Variants in GIMAP4 observed in about 807,000 individuals in gnomAD.
GIMAP4 encodes GTPase, IMAP family member 4.
GIMAP4 carries 12 observed loss-of-function variants against 10.8 expected under a neutral mutation model. The observed-to-expected ratio is 1.11, with a 90% CI of 0.71 to 1.81. GIMAP4 has a LOEUF of 1.81. GIMAP4 is among the 40% of genes most tolerant of loss of function. GIMAP4 has a pLI of 0.00. For missense variants in GIMAP4, 412 were observed against 404.6 expected (o/e 1.02, Z -0.16); for synonymous variants, 149 against 147.2 (o/e 1.01, Z -0.09).
In GIMAP4 at chr7:150,573,071, A is replaced by G; in HGVS notation, c.*11A>G. On this transcript the variant is annotated 3_prime_UTR_variant, in exon 3 of 3. Coordinates refer to ENST00000255945, the MANE Select transcript of GIMAP4 (RefSeq NM_018326.3). ...TTCGCGGAAGATTAAACTTAATGAA[A>G]ATCTGTTTGTATTTTCTGCATATTC... The G allele has an allele frequency of 6.5e-7, 1 of 1,538,658 alleles. No individual in the cohort carries two copies. The highest frequency in any genetic ancestry group is 8.9e-7 in the Non-Finnish European group (1 of 1,121,552).
chr7:150,571,444 C>T (rs1329143541), intron 2 of GIMAP4, among the ~76,000 whole-genome samples: 1 of 152,082 alleles, frequency 6.6e-6, no homozygotes, highest in East Asian at 1.9e-4. Context: ...TACAGATATG[C>T]TAAAGTCAAA....
Position 150,572,949 on chromosome 7 carries a change from G to C in GIMAP4, c.879G>C (p.Arg293Ser), listed in dbSNP as rs1795754165. The change falls in exon 3 of 3, where the codon AGG becomes AGC. Residue 293 changes from arginine (R) to serine (S), a missense_variant. Physicochemically the swap from Arg to Ser is moderately radical, Grantham distance 110 (BLOSUM62 -1). Coordinates refer to ENST00000255945, the MANE Select transcript of GIMAP4 (RefSeq NM_018326.3). ...AACAGGAGGCTCACTATGCTGTAAG[G>C]CAGCAAAGGGCAAGAACGGAAGTGG... ...LAEQEAHYAVRQQRARTEVES... is the reference protein window; with the variant it reads ...LAEQEAHYAVSQQRARTEVES... 1 of 1,613,360 alleles carries C rather than the reference G, an allele frequency of 6.2e-7. No homozygotes were observed. The highest frequency in any genetic ancestry group is 8.5e-7 in the Non-Finnish European group (1 of 1,179,270).
chr7:150,572,359 G>A lies in GIMAP4; in HGVS notation c.289G>A (p.Ala97Thr), dbSNP rs1443456879. 6.2e-7 allele frequency: 1 copy of A among 1,613,960 alleles called. No homozygotes were observed. The highest frequency in any genetic ancestry group is 1.3e-5 in the African/African-American group (1 of 74,904). ...PGIFDTEVPN[A>T]ETSKEIIRCI... ...CATTTTCGACACAGAGGTGCCCAAT[G>A]CTGAAACGTCCAAGGAGATTATTCG... The change falls in exon 3 of 3, where the codon GCT becomes ACT. Residue 97 changes from alanine (A) to threonine (T), a missense_variant. Coordinates refer to ENST00000255945, the MANE Select transcript of GIMAP4 (RefSeq NM_018326.3).
intron 2 of GIMAP4, 186 bp downstream of exon 2, chr7:150,570,145 C>T (rs1241876436): frequency 3.3e-6 from 2 of 612,100 alleles, no homozygotes; most frequent in Non-Finnish European, 5.8e-6. Flanking sequence ...TTTCATCTTT[C>T]TTGACCCTCT....
chr7:150,572,594 T>C lies in GIMAP4; in HGVS notation c.524T>C (p.Ile175Thr), dbSNP rs917802575. 1.9e-6 allele frequency: 3 copies of C among 1,614,044 alleles called. No individual in the cohort carries two copies. The African/African-American group carries it at 4.0e-5, about 22-fold the overall frequency. ...HDYLREAPED[I>T]QDLMDIFGDR... ...TACTTAAGGGAAGCTCCAGAAGACA[T>C]TCAAGACTTGATGGACATTTTCGGT... Residue 175 changes from isoleucine to threonine, a missense_variant, in exon 3 of 3, where the codon ATT becomes ACT. By Grantham distance (89) the Ile-to-Thr change is moderately conservative. Transcript: ENST00000255945.
intron 2 of GIMAP4, among the ~76,000 whole-genome samples, chr7:150,570,273 C>A (rs1795714048): frequency 1.3e-5 from 2 of 152,090 alleles, no homozygotes; most frequent in Non-Finnish European, 2.9e-5. Context: ...ATGGACACAC[C>A]AGAACAGCTG....
intron 2 of GIMAP4, among the ~76,000 whole-genome samples, chr7:150,571,087 C>A (rs564199770): frequency 6.6e-6 from 1 of 152,248 alleles, no homozygotes; most frequent in East Asian, 1.9e-4. Context: ...TTGGAGCTGG[C>A]CTTTGGTGCT....
At position 150,573,500 on chromosome 7, in the gene GIMAP4, T is replaced by A. The variant is rs1271308701; in HGVS notation, c.*440T>A. ...TTGAGAAAGAAAGATCAATTCTTTG[T>A]TTGCAGTAGGTAATCTTAGAGATGG... On this transcript the variant is annotated 3_prime_UTR_variant, in exon 3 of 3. Coordinates refer to ENST00000255945, the MANE Select transcript of GIMAP4 (RefSeq NM_018326.3). 6.4e-6 allele frequency: 1 copy of A among 155,188 alleles called. No individual in the cohort carries two copies. Among genetic ancestry groups the A allele is most frequent in the African/African-American group, 2.4e-5 (1 of 41,468 alleles). 9.6% of individuals were successfully genotyped at this position (155,188 alleles called of 1,614,324 possible). A position where few individuals can be genotyped will look rare whatever the true frequency, so the allele number is the denominator to read the frequency against.
In GIMAP4 at chr7:150,572,968, G is replaced by C. The variant is rs1268644073; in HGVS notation, c.898G>C (p.Glu300Gln). ...YAVRQQRART[E>Q]VESKDGILEL... ...TGTAAGGCAGCAAAGGGCAAGAACG[G>C]AAGTGGAGAGTAAGGATGGGATACT... Residue 300 changes from glutamate to glutamine, a missense_variant, in exon 3 of 3, where the codon GAA (glutamate) becomes CAA (glutamine). Coordinates refer to ENST00000255945, the MANE Select transcript of GIMAP4 (RefSeq NM_018326.3). 1 of 1,613,720 alleles carries C rather than the reference G, an allele frequency of 6.2e-7. No homozygotes were observed.
Position 150,569,948 on chromosome 7 carries a change from G to A in GIMAP4, c.47G>A (p.Gly16Glu), listed in dbSNP as rs1171792373. Residue 16 changes from glycine (G) to glutamate (E), a missense_variant, in exon 2 of 3, where the codon GGG (glycine) becomes GAG (glutamate). Coordinates refer to ENST00000255945, the MANE Select transcript of GIMAP4 (RefSeq NM_018326.3). Reference protein sequence around the residue: ...GSMSFNPSTPGASYGPGRQEP... With the variant: ...GSMSFNPSTPEASYGPGRQEP... ...ATGAGCTTCAACCCCAGCACACCAG[G>A]GGCCAGTTATGGTGAGAGGGCATTC... is the stretch of plus-strand genomic sequence containing the variant. The A allele has an allele frequency of 4.4e-6, 7 of 1,608,806 alleles. No individual in the cohort carries two copies. The highest frequency in any genetic ancestry group is 6.0e-6 in the Non-Finnish European group (7 of 1,175,546).
intron 1 of GIMAP4, among the ~76,000 whole-genome samples, chr7:150,568,785 T>TA (rs1563317544): frequency 1.3e-5 from 2 of 152,110 alleles, no homozygotes; most frequent in Non-Finnish European, 2.9e-5. Flanking sequence ...GAGGAGACAG[T>TA]AAAAAAATCA....
rs539450626 is a variant in GIMAP4 at position 150,572,230 on chromosome 7, A to G, written c.160A>G (p.Lys54Glu). 21 of 1,614,142 alleles carry G rather than the reference A, an allele frequency of 1.3e-5. No individual in the cohort carries two copies. Among genetic ancestry groups the G allele is most frequent in the Non-Finnish European group, 1.6e-5 (19 of 1,179,964 alleles). The change falls in exon 3 of 3, where the codon AAA (lysine) becomes GAA (glutamate). Residue 54 changes from lysine to glutamate, a missense_variant. Physicochemically the swap from Lys to Glu is moderately conservative, Grantham distance 56 (BLOSUM62 1). Coordinates refer to ENST00000255945, the MANE Select transcript of GIMAP4 (RefSeq NM_018326.3). ...SATGNSILGRKVFHSGTAAKS... is the reference protein window; with the variant it reads ...SATGNSILGREVFHSGTAAKS... Reference sequence around the variant, plus strand: ...AACAGGAAACAGCATCCTTGGCCGGAAAGTGTTTCATTCTGGCACTGCAGC... The same window carrying G: ...AACAGGAAACAGCATCCTTGGCCGGGAAGTGTTTCATTCTGGCACTGCAGC...
Position 150,569,876 on chromosome 7 carries a change from C to G in GIMAP4, c.-14-12C>G. On this transcript the variant is annotated splice_polypyrimidine_tract_variant and intron_variant, in intron 1 of 2. Coordinates refer to ENST00000255945, the MANE Select transcript of GIMAP4 (RefSeq NM_018326.3). ...TCCCTAAAATGACATGGTTATGTTT[C>G]TTGATCTACAGGAGTTCAAGCGACA... The G allele has an allele frequency of 8.3e-7, 1 of 1,205,248 alleles. No individual in the cohort carries two copies. Among genetic ancestry groups the G allele is most frequent in the Non-Finnish European group, 1.2e-6 (1 of 807,368 alleles). 74.7% of individuals were successfully genotyped at this position (1,205,248 alleles called of 1,614,324 possible).
chr7:150,569,873 T>C lies in GIMAP4; in HGVS notation c.-14-15T>C, dbSNP rs374554502. The C allele has an allele frequency of 1.3e-5, 15 of 1,155,320 alleles. No homozygotes were observed. The African/African-American group carries it at 2.1e-4, about 16-fold the overall frequency. 71.6% of individuals were successfully genotyped at this position (1,155,320 alleles called of 1,614,324 possible). On this transcript the variant is annotated splice_polypyrimidine_tract_variant and intron_variant, in intron 1 of 2. Transcript: ENST00000255945. ...ATTTCCCTAAAATGACATGGTTATG[T>C]TTCTTGATCTACAGGAGTTCAAGCG...
chr7:150,573,040 C>G lies in GIMAP4; in HGVS notation c.970C>G (p.Arg324Gly), dbSNP rs374272297. ...ALQIASFILL[R>G]LFAED ...ACAGATTGCTTCCTTTATTTTGTTA[C>G]GTCTGTTCGCGGAAGATTAAACTTA... is the stretch of plus-strand genomic sequence containing the variant. Residue 324 changes from arginine (R) to glycine (G), a missense_variant, in exon 3 of 3, where the codon CGT (arginine) becomes GGT (glycine). Transcript: ENST00000255945. The G allele has an allele frequency of 6.3e-7, 1 of 1,593,228 alleles. No individual in the cohort carries two copies. Among genetic ancestry groups the G allele is most frequent in the Non-Finnish European group, 8.6e-7 (1 of 1,165,692 alleles).
rs369894693 is a variant in GIMAP4 at position 150,572,426 on chromosome 7, T to C, written c.356T>C (p.Leu119Pro). Residue 119 changes from leucine (L) to proline (P), a missense_variant, in exon 3 of 3, where the codon CTG (leucine) becomes CCG (proline). Coordinates refer to ENST00000255945, the MANE Select transcript of GIMAP4 (RefSeq NM_018326.3). ...LTSPGPHALL[L>P]VVPLGRYTEE... ...TCCCCAGGGCCTCATGCTCTGCTTC[T>C]GGTGGTTCCACTGGGCCGTTACACT... The C allele has an allele frequency of 6.2e-7, 1 of 1,614,182 alleles. No homozygotes were observed.
In GIMAP4 at chr7:150,568,836, C is replaced by T. The variant is rs188566229; in HGVS notation, c.-14-1052C>T. Among the ~76,000 whole-genome samples the T allele has an allele frequency of 2.4e-4, 36 of 152,274 alleles. No individual in the cohort carries two copies. The East Asian group carries it at 7.0e-3, about 29-fold the overall frequency. The stretch of plus-strand genomic sequence containing the variant: ...AAAGTAATACATATTCTGTAAGAAG[C>T]CTCTGGGGTGCAGTGGATCATAACA... On this transcript the variant is annotated intron_variant, in intron 1 of 2. Coordinates refer to ENST00000255945, the MANE Select transcript of GIMAP4 (RefSeq NM_018326.3).
intron 1 of GIMAP4, 71 bp downstream of exon 1, chr7:150,567,508 C>A (rs925804824): frequency 5.3e-5 from 8 of 152,080 alleles, no homozygotes; most frequent in African/African-American, 1.9e-4. Flanking sequence ...GGACCTGTAT[C>A]TTAAATCGTC....
chr7:150,570,913 C>T (rs1033986784), intron 2 of GIMAP4, among the ~76,000 whole-genome samples: 1 of 152,086 alleles, frequency 6.6e-6, no homozygotes, highest in African/African-American at 2.4e-5. Flanking sequence ...TAAGGCCCAC[C>T]CAGATTCAAC....
Sources: gnomAD v4.1 joint callset for allele counts (sites outside exome capture counted in the v4.1 genomes callset) on GRCh38, gnomAD v4.1.1 for gene constraint, MANE v1.5 for transcripts, NCBI Gene and HGNC (gene_info 2026-07-23, HGNC 2026-07-21) for gene names.